Variants in MGAM observed in about 807,000 individuals in gnomAD.
The protein encoded by MGAM is maltase-glucoamylase, also known as alpha-1,4-glucosidase.
A neutral mutation model predicts 358.8 loss-of-function variants in MGAM; 253 were observed. The observed-to-expected ratio is 0.71, with a 90% confidence interval of 0.64 to 0.78. MGAM has a LOEUF of 0.78. Among genes scored for constraint, MGAM ranks in the 30% least tolerant of loss-of-function variants. The pLI, the probability that MGAM is intolerant of heterozygous loss-of-function variation, is 0.00. For synonymous variants in MGAM, 1,105 were observed against 1,227.1 expected (o/e 0.90, Z 2.08); for missense variants, 3,080 against 3,432.6 (o/e 0.90, Z 2.57).
rs754853452 is a variant in MGAM at position 142,078,451 on chromosome 7, C to A, written c.5627C>A (p.Ala1876Asp). The A allele has an allele frequency of 3.4e-4, 521 of 1,544,336 alleles. 87 individuals are homozygous for A. Among genetic ancestry groups the A allele is most frequent in the Non-Finnish European group, 4.5e-4 (503 of 1,126,558 alleles). The part of the protein sequence containing the change: ...ENGDSAENCT[A>D]RGCIWEASNS... ...GGTGATTCTGCAGAAAACTGCACTG[C>A]CCGTGGCTGTATCTGGGAGGTAACC... The change falls in exon 48 of 71, where the codon GCC (alanine) becomes GAC (aspartate). Residue 1876 changes from alanine (A) to aspartate (D), a missense_variant. Ala to Asp is a moderately radical substitution (Grantham distance 126, BLOSUM62 -2). Coordinates refer to ENST00000475668, the MANE Select transcript of MGAM (RefSeq NM_001365693.1).
At chr7:142,097,726 G>A in intron 66 of MGAM, 77 bp downstream of exon 66, 1 of 1,452,860 alleles carries the variant, frequency 6.9e-7, no homozygotes, top group South Asian at 1.2e-5. Context: ...TAGACCTTAG[G>A]TCAAATGCTG....
At chr7:142,082,840 G>T (rs1397177484) in intron 52 of MGAM, among the ~76,000 whole-genome samples, 1 of 146,044 alleles carries the variant, frequency 6.8e-6, no homozygotes, top group African/African-American at 2.4e-5. Context: ...AGGTCAGCTC[G>T]TGAGAGCCAG....
intron 2 of MGAM, among the ~76,000 whole-genome samples, chr7:142,006,017 T>C (rs1428653184): frequency 2.0e-5 from 3 of 151,746 alleles, no homozygotes; most frequent in African/African-American, 7.3e-5. Context: ...AATAGAAATA[T>C]AGAAATAAAA....
chr7:142,097,990 G>A (rs1816095920), intron 66 of MGAM, among the ~76,000 whole-genome samples: 1 of 152,132 alleles, frequency 6.6e-6, no homozygotes, highest in African/African-American at 2.4e-5. Flanking sequence ...TATAGTTTTT[G>A]TTTTTAATGT....
At chr7:142,053,777 A>T (rs1319747094) in intron 26 of MGAM, among the ~76,000 whole-genome samples, 1 of 152,164 alleles carries the variant, frequency 6.6e-6, no homozygotes, top group Non-Finnish European at 1.5e-5. Flanking sequence ...TTACAATCTG[A>T]CATCAACCCG....
Position 142,052,957 on chromosome 7 carries a change from C to G in MGAM, c.3132C>G (p.Tyr1044Ter), listed in dbSNP as rs752471950. Residue 1044 changes from tyrosine to a stop codon, truncating the protein, a stop_gained, in exon 26 of 71, where the codon TAC (tyrosine) becomes TAG (stop). Coordinates refer to ENST00000475668, the MANE Select transcript of MGAM (RefSeq NM_001365693.1). LOFTEE classifies it high-confidence loss of function. ...ACCCCCTTCGCCTGGATGTCACTTA[C>G]CATAAGAATGAAATGCTGCAGTTCA... ...PVNPLRLDVT[Y>*]HKNEMLQFKI... is the part of the protein sequence containing the mutation. The G allele has an allele frequency of 2.3e-4, 370 of 1,613,688 alleles. 1 individual carries two copies. Among genetic ancestry groups the G allele is most frequent in the Non-Finnish European group, 3.0e-4 (354 of 1,179,818 alleles).
intron 33 of MGAM, 85 bp downstream of exon 33, chr7:142,060,051 G>A (rs1811978411): frequency 7.2e-6 from 10 of 1,380,372 alleles, no homozygotes; most frequent in Non-Finnish European, 9.0e-6. Flanking sequence ...TCACACGCCT[G>A]TGTATGTTAT....
intron 45 of MGAM, among the ~76,000 whole-genome samples, chr7:142,075,433 A>T (rs996230295): frequency 2.7e-5 from 4 of 146,710 alleles, no homozygotes; most frequent in Non-Finnish European, 6.2e-5. Context: ...AAAAGTAAAC[A>T]GGCGTGACTA....
In MGAM at chr7:142,050,287, G is replaced by A. The variant is rs780242065; in HGVS notation, c.2637+3G>A. ...TATGTGAGTTTTCTGTCACTCAAGT[G>A]AGTAGCATATTTTTATGAATCTTAG... On this transcript the variant is annotated splice_donor_region_variant and intron_variant, in intron 23 of 70. Coordinates refer to ENST00000475668, the MANE Select transcript of MGAM (RefSeq NM_001365693.1). 18 of 1,612,882 alleles carry A rather than the reference G, an allele frequency of 1.1e-5. No individual in the cohort carries two copies. In the African/African-American group the frequency reaches 1.9e-4, roughly 17 times the overall value.
At position 142,027,709 on chromosome 7, in the gene MGAM, A is replaced by C; in HGVS notation, c.1195A>C (p.Arg399=). ...AGACAACATGAGGGAAGTCGTGGAG[A>C]GAAATCGCGCAGCACAGCTCCCTTA... The part of the protein sequence containing the change: ...TLDNMREVVE[R]NRAAQLPYDV... Residue 399 remains arginine (R), a synonymous_variant, in exon 10 of 71, where the codon AGA becomes CGA. Transcript: ENST00000475668. 1 of 1,612,968 alleles carries C rather than the reference A, an allele frequency of 6.2e-7. No homozygotes were observed. The highest frequency in any genetic ancestry group is 8.5e-7 in the Non-Finnish European group (1 of 1,179,326).
chr7:142,095,896 T>C lies in MGAM; in HGVS notation c.7607+183T>C, dbSNP rs111518847. Reference sequence around the variant, plus strand: ...CATGCCTTAGGTCATTAATAAAAGGTTATTGATTGAATGAGCAAAACTGAA... The same window carrying C: ...CATGCCTTAGGTCATTAATAAAAGGCTATTGATTGAATGAGCAAAACTGAA... On this transcript the variant is annotated intron_variant, in intron 64 of 70. Transcript: ENST00000475668. The C allele has an allele frequency of 4.5e-3, 4,389 of 985,936 alleles. 108 individuals carry two copies. In the African/African-American group the frequency reaches 0.061, roughly 14 times the overall value. The allele number at this position is 985,936 out of a possible 1,614,324, so 61.1% of individuals were successfully genotyped here. A position where few individuals can be genotyped will look rare whatever the true frequency, so the allele number is the denominator to read the frequency against.
intron 53 of MGAM, among the ~76,000 whole-genome samples, chr7:142,084,019 C>G (rs1814556348): frequency 6.9e-6 from 1 of 145,648 alleles, no homozygotes; most frequent in South Asian, 2.2e-4. Flanking sequence ...GCAGCAGCAG[C>G]AAACACTTAT....
chr7:142,075,006 C>T (rs924077906), intron 45 of MGAM, among the ~76,000 whole-genome samples: 1 of 146,060 alleles, frequency 6.8e-6, no homozygotes, highest in African/African-American at 2.4e-5. Flanking sequence ...CCCCATTTTC[C>T]ACTTCTGCAG....
At chr7:141,991,857 G>A (rs1388831259), upstream of MGAM, among the ~76,000 whole-genome samples, 2 of 152,188 alleles carry the variant, frequency 1.3e-5, no homozygotes, top group African/African-American at 4.8e-5. Flanking sequence ...CAGACAGCAA[G>A]CCACTCCAGG....
chr7:142,038,740 G>T lies in MGAM; in HGVS notation c.2316+125G>T, dbSNP rs148102770. 1.5e-3 allele frequency: 918 copies of T among 612,924 alleles called. 10 individuals are homozygous for T. In the African/African-American group the frequency reaches 0.016, roughly 10 times the overall value. The allele number at this position is 612,924 out of a possible 1,614,324, so 38.0% of individuals were successfully genotyped here. A position where few individuals can be genotyped will look rare whatever the true frequency, so the allele number is the denominator to read the frequency against. ...TGTGACTGAGTCAGCCTTGAAGAGA[G>T]TGTGCTAGGTTTTGAGAAGCTAGAC... On this transcript the variant is annotated intron_variant, in intron 19 of 70. Coordinates refer to ENST00000475668, the MANE Select transcript of MGAM (RefSeq NM_001365693.1).
At position 142,083,158 on chromosome 7, in the gene MGAM, G is replaced by A. The variant is rs1461978263; in HGVS notation, c.6269-143G>A. 42 of 658,540 alleles carry A rather than the reference G, an allele frequency of 6.4e-5. 5 individuals are homozygous for A. The highest frequency in any genetic ancestry group is 5.5e-5 in the Non-Finnish European group (22 of 401,084). The allele number at this position is 658,540 out of a possible 1,614,324, so 40.8% of individuals were successfully genotyped here. A position where few individuals can be genotyped will look rare whatever the true frequency, so the allele number is the denominator to read the frequency against. On this transcript the variant is annotated intron_variant, in intron 52 of 70. Transcript: ENST00000475668. ...TTTAGACTTCCACTGAACTTCTTCA[G>A]TTCTATGTGATTATGATAGAAAATA...
chr7:142,045,793 C>T (rs1319919834), intron 21 of MGAM, among the ~76,000 whole-genome samples: 2 of 118,666 alleles, frequency 1.7e-5, no homozygotes, highest in Non-Finnish European at 3.2e-5. Context: ...ATATACATAT[C>T]GTATATACAT....
intron 8 of MGAM, among the ~76,000 whole-genome samples, chr7:142,026,078 A>G (rs1379597925): frequency 3.3e-5 from 5 of 151,912 alleles, no homozygotes; most frequent in Admixed American, 6.6e-5. Context: ...CTATGACCAA[A>G]GAGTACATTG....
intron 67 of MGAM, among the ~76,000 whole-genome samples, chr7:142,100,589 C>G (rs1188569700): frequency 1.3e-5 from 2 of 152,208 alleles, no homozygotes; most frequent in Non-Finnish European, 2.9e-5. Context: ...GCAGAATCCT[C>G]TTGATTCATT....
Sources: allele counts gnomAD v4.1 joint callset (sites outside exome capture counted in the v4.1 genomes callset), GRCh38; gene constraint gnomAD v4.1.1; transcripts MANE v1.5; gene names NCBI Gene and HGNC (gene_info 2026-07-23, HGNC 2026-07-21).